The following RABGAP1 variants were observed in gnomAD, a reference collection of about 807,000 sequenced individuals.
The protein encoded by RABGAP1 is RAB GTPase activating protein 1, also known as rab GTPase-activating protein 1.
A neutral mutation model predicts 137.6 loss-of-function variants in RABGAP1; 23 were observed. That is an observed-to-expected ratio of 0.17 (90% confidence interval 0.12 to 0.24). The LOEUF is 0.24. Ranked by LOEUF, RABGAP1 falls within the 10% of genes least tolerant of loss-of-function variation. The pLI, the probability that RABGAP1 is intolerant of heterozygous loss-of-function variation, is 1.00. For missense variants in RABGAP1, 906 were observed against 1,275.8 expected, an observed-to-expected ratio of 0.71 and a Z score of 4.42; for synonymous variants, 451 against 450.7, an observed-to-expected ratio of 1.00 and a Z score of -0.01.
intron 15 of RABGAP1, among the ~76,000 whole-genome samples, chr9:123,072,502 T>C (rs1207828989): frequency 1.3e-5 from 2 of 152,172 alleles, no homozygotes; most frequent in African/African-American, 4.8e-5. Context: ...AGACCCTCCA[T>C]GTCTTGTTTT....
chr9:123,077,579 A>G (rs2034554222), intron 19 of RABGAP1, among the ~76,000 whole-genome samples: 1 of 151,254 alleles, frequency 6.6e-6, no homozygotes, highest in South Asian at 2.1e-4. Flanking sequence ...GTAAAAAGGT[A>G]TAGGATCTTC....
chr9:122,950,698 A>G lies in RABGAP1; in HGVS notation c.-49-6313A>G, dbSNP rs541288868. On this transcript the variant is annotated intron_variant, in intron 1 of 25. Coordinates refer to ENST00000373647, the MANE Select transcript of RABGAP1 (RefSeq NM_012197.4). ...TAATTCTATACCTGGTGTCTGGCAC[A>G]TATCAGACTCTTTGATACTGAATAG... Among the ~76,000 whole-genome samples the G allele has an allele frequency of 5.9e-5, 9 of 152,272 alleles. No individual in the cohort carries two copies. In the East Asian group the frequency reaches 1.7e-3, roughly 29 times the overall value.
At chr9:122,964,536 A>G (rs1355686784) in intron 2 of RABGAP1, among the ~76,000 whole-genome samples, 2 of 152,236 alleles carry the variant, frequency 1.3e-5, no homozygotes, top group African/African-American at 4.8e-5. Context: ...AAAAAAAGAA[A>G]TGAGAAAACT....
chr9:123,035,972 C>G (rs2032636318), intron 13 of RABGAP1, among the ~76,000 whole-genome samples: 1 of 152,168 alleles, frequency 6.6e-6, no homozygotes, highest in Non-Finnish European at 1.5e-5. Flanking sequence ...AAAGCGTCAG[C>G]ATTTTAAAAA....
chr9:122,941,914 C>CT (rs1564344492), intron 1 of RABGAP1, among the ~76,000 whole-genome samples: 4 of 152,204 alleles, frequency 2.6e-5, no homozygotes, highest in Admixed American at 2.6e-4. Flanking sequence ...AACAAATGTC[C>CT]TAGGAGACCG....
chr9:123,052,430 C>A (rs1022472715), intron 13 of RABGAP1, among the ~76,000 whole-genome samples: 11 of 152,206 alleles, frequency 7.2e-5, no homozygotes, highest in Admixed American at 6.5e-5. Flanking sequence ...AGATAAGTGG[C>A]TCTGAACCTT....
intron 13 of RABGAP1, chr9:123,029,556 G>C: frequency 2.6e-6 from 2 of 766,020 alleles, no homozygotes; most frequent in Non-Finnish European, 4.9e-6. Flanking sequence ...GGAGTTATAA[G>C]TTTATAGTTG....
intron 19 of RABGAP1, among the ~76,000 whole-genome samples, chr9:123,087,663 C>T (rs1485217022): frequency 6.6e-6 from 1 of 152,220 alleles, no homozygotes; most frequent in East Asian, 1.9e-4. Context: ...GAGCATCTTT[C>T]TGTAGAGGTC....
intron 13 of RABGAP1, among the ~76,000 whole-genome samples, chr9:123,064,069 GCT>G (rs2034083816): frequency 6.6e-6 from 1 of 151,890 alleles, no homozygotes; most frequent in African/African-American, 2.4e-5. Flanking sequence ...CACTTCGCTC[GCT>G]CTCTCATTTT....
chr9:122,933,440 AATTATT>A, the RABGAP1 span, among the ~76,000 whole-genome samples: 182 of 146,056 alleles, frequency 1.2e-3, no homozygotes, highest in Middle Eastern at 3.6e-3. Context: ...TTTTTCATTA[AATTATT>A]ATTATTATTA....
chr9:123,021,094 T>TTCTTGAAG (rs1211065634), intron 13 of RABGAP1, among the ~76,000 whole-genome samples: 1 of 152,226 alleles, frequency 6.6e-6, no homozygotes, highest in Admixed American at 6.5e-5. Flanking sequence ...TTTTCTCAAA[T>TTCTTGAAG]TCTTGAAGTG....
intron 1 of RABGAP1, among the ~76,000 whole-genome samples, chr9:122,956,373 C>G (rs1173229270): frequency 1.3e-5 from 2 of 151,552 alleles, no homozygotes; most frequent in Non-Finnish European, 3.0e-5. Flanking sequence ...TAAGTGCTTT[C>G]CATTTCATTT....
At chr9:123,094,578 T>C (rs534382513) in intron 21 of RABGAP1, among the ~76,000 whole-genome samples, 1 of 152,312 alleles carries the variant, frequency 6.6e-6, no homozygotes, top group African/African-American at 2.4e-5. Context: ...TTATTAAATA[T>C]TTATATGTTC....
Position 123,065,365 on chromosome 9 carries a change from T to C in RABGAP1, c.1812T>C (p.Ser604=). The C allele has an allele frequency of 6.2e-7, 1 of 1,611,904 alleles. No homozygotes were observed. The highest frequency in any genetic ancestry group is 8.5e-7 in the Non-Finnish European group (1 of 1,178,064). The stretch of plus-strand genomic sequence containing the variant: ...TTCCACAGGAGTCTCCCCAGGACAG[T>C]GCTATCACCCGGGATATTAACCGAA... The part of the protein sequence containing the change: ...ILITKESPQD[S]AITRDINRTF... Residue 604 remains serine, a synonymous_variant, in exon 14 of 26, where the codon AGT becomes AGC. Transcript: ENST00000373647.
At chr9:122,991,794 T>TG (rs1006032592) in intron 6 of RABGAP1, among the ~76,000 whole-genome samples, 73 of 151,622 alleles carry the variant, frequency 4.8e-4, no homozygotes, top group African/African-American at 1.6e-3. Flanking sequence ...TTTCTAGAGA[T>TG]GGGGTCTTGC....
At chr9:122,951,431 G>A (rs1296290160) in intron 1 of RABGAP1, among the ~76,000 whole-genome samples, 1 of 151,738 alleles carries the variant, frequency 6.6e-6, no homozygotes, top group Non-Finnish European at 1.5e-5. Context: ...AAAAAAAGTT[G>A]AAGTTTTTAA....
chr9:122,993,838 A>G lies in RABGAP1; in HGVS notation c.924-2203A>G, dbSNP rs529658480. 5.9e-5 allele frequency among the ~76,000 whole-genome samples: 9 copies of G among 151,490 alleles called. No homozygotes were observed. In the East Asian group the frequency reaches 1.6e-3, roughly 26 times the overall value. On this transcript the variant is annotated intron_variant, in intron 6 of 25. Coordinates refer to ENST00000373647, the MANE Select transcript of RABGAP1 (RefSeq NM_012197.4). ...GCTGCCACGCCCGGCTAATTTTTGTATTTTCAATAGAGACAGGGTTTTACC... is the reference window on the plus strand; with the variant it reads ...GCTGCCACGCCCGGCTAATTTTTGTGTTTTCAATAGAGACAGGGTTTTACC...
At chr9:123,091,072 C>T (rs546753260) in intron 21 of RABGAP1, among the ~76,000 whole-genome samples, 100 of 152,310 alleles carry the variant, frequency 6.6e-4, no homozygotes, top group African/African-American at 2.3e-3. Flanking sequence ...CAAAAGCAGA[C>T]ATAGATGATA....
At chr9:123,055,997 G>C (rs1269590369) in intron 13 of RABGAP1, among the ~76,000 whole-genome samples, 1 of 152,146 alleles carries the variant, frequency 6.6e-6, no homozygotes, top group Non-Finnish European at 1.5e-5. Flanking sequence ...GTGGGTGAAG[G>C]GAGACTATTT....
Sources: gnomAD v4.1 joint callset for allele counts (sites outside exome capture counted in the v4.1 genomes callset) on GRCh38, gnomAD v4.1.1 for gene constraint, MANE v1.5 for transcripts, NCBI Gene and HGNC (gene_info 2026-07-23, HGNC 2026-07-21) for gene names.